ZFYVE27: variants seen among roughly 807,000 people sequenced by gnomAD.
ZFYVE27 encodes zinc finger FYVE-type containing 27.
Under a neutral mutation model 52.8 loss-of-function variants are expected in ZFYVE27, and 36 were observed. The ratio of observed to expected loss-of-function variants is 0.68; its 90% CI spans 0.52 to 0.90. ZFYVE27 has a LOEUF of 0.90. Ranked by LOEUF, ZFYVE27 falls within the 40% of genes least tolerant of loss-of-function variation. The probability of loss-of-function intolerance (pLI) is 0.00; values close to 1 mark genes in which losing one functional copy is unlikely to be tolerated. For synonymous variants in ZFYVE27, 223 were observed against 215.6 expected (o/e 1.03, Z -0.30); for missense variants, 450 against 527.2 (o/e 0.85, Z 1.43).
At chr10:97,746,047 ATATAT>A (rs1358345638) in intron 4 of ZFYVE27, among the ~76,000 whole-genome samples, 2,897 of 66,434 alleles carry the variant, frequency 0.044, 55 homozygotes, top group African/African-American at 0.11. Flanking sequence ...ATATATATAT[ATATAT>A]TTTTTTTTTT....
Position 97,746,055 on chromosome 10 carries a change from T to A in ZFYVE27, c.455+1140T>A, listed in dbSNP as rs1385926844. 5.9e-5 allele frequency among the ~76,000 whole-genome samples: 8 copies of A among 135,028 alleles called. No homozygotes were observed. In the East Asian group the frequency reaches 1.2e-3, roughly 20 times the overall value. 88.6% of individuals were successfully genotyped at this position (135,028 alleles called of 152,430 possible). On this transcript the variant is annotated intron_variant, in intron 4 of 12. Transcript: ENST00000684270. Reference sequence around the variant, plus strand: ...TATATATATATATATATATATATTTTTTTTTTTTTTTGAGACAGAGTCTTG... The same window carrying A: ...TATATATATATATATATATATATTTATTTTTTTTTTTGAGACAGAGTCTTG...
At chr10:97,754,271 T>G (rs1308850042) in intron 10 of ZFYVE27, among the ~76,000 whole-genome samples, 3 of 151,650 alleles carry the variant, frequency 2.0e-5, no homozygotes, top group South Asian at 4.5e-4. Context: ...GGACAGGCTC[T>G]TTCTTTCTGC....
At chr10:97,746,739 G>A (rs2045546822) in intron 4 of ZFYVE27, among the ~76,000 whole-genome samples, 1 of 150,242 alleles carries the variant, frequency 6.7e-6, no homozygotes. Context: ...ATCCAGGCTG[G>A]AATGCAGTGG....
At position 97,759,362 on chromosome 10, in the gene ZFYVE27, T is replaced by A. The variant is rs2049184911; in HGVS notation, c.*62T>A. 6.4e-7 allele frequency: 1 copy of A among 1,572,548 alleles called. No individual in the cohort carries two copies. The highest frequency in any genetic ancestry group is 1.7e-5 in the Admixed American group (1 of 59,702). On this transcript the variant is annotated 3_prime_UTR_variant, in exon 13 of 13. Transcript: ENST00000684270. ...GGGACCAGCAGTAGACCCCCCACTC[T>A]CCCCACCCCTGGCCCACTGTGGTGT... is the stretch of plus-strand genomic sequence containing the variant.
chr10:97,750,578 C>A, intron 7 of ZFYVE27, 108 bp downstream of exon 7: 1 of 1,457,028 alleles, frequency 6.9e-7, no homozygotes, highest in Non-Finnish European at 9.3e-7. Context: ...CCTGCTATTT[C>A]CCAGGCCTTA....
Position 97,745,469 on chromosome 10 carries a change from A to G in ZFYVE27, c.455+554A>G, listed in dbSNP as rs546061621. Among the ~76,000 whole-genome samples, 629 of 150,386 alleles carry G rather than the reference A, an allele frequency of 4.2e-3. 15 individuals are homozygous for G. Among genetic ancestry groups the G allele is most frequent in the African/African-American group, 0.015 (596 of 39,854 alleles). On this transcript the variant is annotated intron_variant, in intron 4 of 12. Transcript: ENST00000684270. The stretch of plus-strand genomic sequence containing the variant: ...GCTGGAATTACAGGCGTGAGCCACC[A>G]CGCCTGGCCCTGTTCTTTCTGCTGG...
Position 97,759,727 on chromosome 10 carries a change from G to GC in ZFYVE27, c.*429dup. ...AGGTTTTTCTCCTGCAGGGTACTGG[G>GC]CCAGGCCCTCAGCCTCAGAGAGCCT... On this transcript the variant is annotated 3_prime_UTR_variant, in exon 13 of 13. Coordinates refer to ENST00000684270, the MANE Select transcript of ZFYVE27 (RefSeq NM_001385875.1). The GC allele has an allele frequency of 3.8e-6, 1 of 261,662 alleles. No individual in the cohort carries two copies. Among genetic ancestry groups the GC allele is most frequent in the Non-Finnish European group, 7.7e-6 (1 of 129,332 alleles). 16.2% of individuals were successfully genotyped at this position (261,662 alleles called of 1,614,324 possible). A position where few individuals can be genotyped will look rare whatever the true frequency, so the allele number is the denominator to read the frequency against.
At chr10:97,748,933 T>C (rs561346596) in intron 5 of ZFYVE27, among the ~76,000 whole-genome samples, 2 of 152,304 alleles carry the variant, frequency 1.3e-5, no homozygotes, top group Non-Finnish European at 2.9e-5. Context: ...AGGATGAAAC[T>C]ACCATATCAA....
chr10:97,748,394 C>G, intron 5 of ZFYVE27, 30 bp downstream of exon 5: 2 of 1,607,452 alleles, frequency 1.2e-6, no homozygotes, highest in Non-Finnish European at 1.7e-6. Flanking sequence ...CCGCCACCAC[C>G]CTATAGGAAT....
At chr10:97,754,379 C>G (rs2047811050) in intron 10 of ZFYVE27, among the ~76,000 whole-genome samples, 1 of 148,836 alleles carries the variant, frequency 6.7e-6, no homozygotes, top group African/African-American at 2.5e-5. Context: ...GTGGCATGAT[C>G]ACAGCTCACT....
chr10:97,748,242 C>T, intron 4 of ZFYVE27, 27 bp from the exon 5 acceptor site: 1 of 1,610,918 alleles, frequency 6.2e-7, no homozygotes. Flanking sequence ...CTGTCCTGCC[C>T]ACTCACCAAA....
intron 2 of ZFYVE27, among the ~76,000 whole-genome samples, chr10:97,742,134 G>GAA (rs796122082): frequency 2.7e-5 from 2 of 75,238 alleles, no homozygotes; most frequent in African/African-American, 4.0e-5. Flanking sequence ...TGTCTCAAAA[G>GAA]AAAAAAAAAA....
chr10:97,759,214 C>T, intron 12 of ZFYVE27, 22 bp from the exon 13 acceptor site: 1 of 1,614,044 alleles, frequency 6.2e-7, no homozygotes, highest in Non-Finnish European at 8.5e-7. Context: ...AAATGTCTCA[C>T]CAAGTTCTTC....
chr10:97,748,153 A>G, intron 4 of ZFYVE27, 116 bp from the exon 5 acceptor site: 3 of 957,784 alleles, frequency 3.1e-6, no homozygotes, highest in Non-Finnish European at 4.9e-6. Flanking sequence ...CTTTAAGCAC[A>G]TGGTGAGTGT....
intron 10 of ZFYVE27, 89 bp downstream of exon 10, chr10:97,753,271 G>A: frequency 1.3e-6 from 2 of 1,517,898 alleles, no homozygotes; most frequent in Non-Finnish European, 8.9e-7. Context: ...CAGGGGCAGA[G>A]TCTCAGAACT....
chr10:97,755,661 G>A (rs1259516942), intron 10 of ZFYVE27, among the ~76,000 whole-genome samples: 3 of 152,220 alleles, frequency 2.0e-5, no homozygotes, highest in African/African-American at 4.8e-5. Flanking sequence ...ACTGTGGTGG[G>A]GGCTATTCTA....
rs1006624687 is a variant in ZFYVE27 at position 97,748,437 on chromosome 10, T to C, written c.551+73T>C. 10 of 1,482,004 alleles carry C rather than the reference T, an allele frequency of 6.7e-6. No individual in the cohort carries two copies. The African/African-American group carries it at 1.4e-4, about 20-fold the overall frequency. The allele number at this position is 1,482,004 out of a possible 1,614,324, so 91.8% of individuals were successfully genotyped here. A position where few individuals can be genotyped will look rare whatever the true frequency, so the allele number is the denominator to read the frequency against. On this transcript the variant is annotated intron_variant, in intron 5 of 12. Transcript: ENST00000684270. Reference sequence around the variant, plus strand: ...TTGAGCCCGAGCAAAGCCAGCTGCCTTGAGAGGACCTCTGCCCCTCTTACC... The same window carrying C: ...TTGAGCCCGAGCAAAGCCAGCTGCCCTGAGAGGACCTCTGCCCCTCTTACC...
In ZFYVE27 at chr10:97,759,947, C is replaced by G. The variant is rs550967604; in HGVS notation, c.*647C>G. ...AGGAGGGTTTGGCTGAGTCCTTCAGCGTTAAGTGGAGGAAAGCTTGGGGAA... is the reference window on the plus strand; with the variant it reads ...AGGAGGGTTTGGCTGAGTCCTTCAGGGTTAAGTGGAGGAAAGCTTGGGGAA... On this transcript the variant is annotated 3_prime_UTR_variant, in exon 13 of 13. Transcript: ENST00000684270. 2.6e-5 allele frequency: 4 copies of G among 156,278 alleles called. No individual in the cohort carries two copies. In the East Asian group the frequency reaches 7.5e-4, roughly 29 times the overall value. The allele number at this position is 156,278 out of a possible 1,614,324, so 9.7% of individuals were successfully genotyped here.
At chr10:97,750,572 C>CT in intron 7 of ZFYVE27, 102 bp downstream of exon 7, 1 of 1,516,436 alleles carries the variant, frequency 6.6e-7, no homozygotes, top group Non-Finnish European at 9.0e-7. Flanking sequence ...GTAGTTCCTG[C>CT]TATTTCCCAG....
Sources: allele counts gnomAD v4.1 joint callset (sites outside exome capture counted in the v4.1 genomes callset), GRCh38; gene constraint gnomAD v4.1.1; transcripts MANE v1.5; gene names NCBI Gene and HGNC (gene_info 2026-07-23, HGNC 2026-07-21).